The following MITF variants were observed in gnomAD, a reference collection of about 807,000 sequenced individuals.
The protein encoded by MITF is microphthalmia-associated transcription factor.
A neutral mutation model predicts 60.5 loss-of-function variants in MITF; 17 were observed. The ratio of observed to expected loss-of-function variants is 0.28; its 90% confidence interval spans 0.19 to 0.42. The LOEUF is 0.42. Among genes scored for constraint, MITF ranks in the 10% least tolerant of loss-of-function variants. MITF has a pLI of 1.00. For synonymous variants in MITF, 260 were observed against 248.5 expected (o/e 1.05, Z -0.43); for missense variants, 622 against 683.5 (o/e 0.91, Z 1.00).
intron 1 of MITF, among the ~76,000 whole-genome samples, chr3:69,858,029 T>C (rs2063949390): frequency 6.6e-6 from 1 of 152,120 alleles, no homozygotes; most frequent in Non-Finnish European, 1.5e-5. Context: ...AAGGGGAGAA[T>C]TTAGTAGTTT....
chr3:69,797,604 A>G (rs2062852239), intron 1 of MITF, among the ~76,000 whole-genome samples: 2 of 152,188 alleles, frequency 1.3e-5, no homozygotes, highest in African/African-American at 4.8e-5. Flanking sequence ...GAATTCTCAT[A>G]GTTTAATATT....
In MITF at chr3:69,801,277, C is replaced by T. The variant is rs370680600; in HGVS notation, c.104+61576C>T. Among the ~76,000 whole-genome samples the T allele has an allele frequency of 9.2e-5, 14 of 152,010 alleles. No homozygotes were observed. The East Asian group carries it at 2.1e-3, about 23-fold the overall frequency. On this transcript the variant is annotated intron_variant, in intron 1 of 9. Coordinates refer to ENST00000352241, the MANE Select transcript of MITF (RefSeq NM_001354604.2). ...TAAATAATTATAGATTCCCTCTCCT[C>T]CCATTCATTAGATGTAATTTAGTAC...
intron 2 of MITF, among the ~76,000 whole-genome samples, chr3:69,887,777 C>T (rs896137846): frequency 7.2e-5 from 11 of 151,936 alleles, no homozygotes; most frequent in African/African-American, 9.7e-5. Flanking sequence ...GGATTGGAAG[C>T]GGTGGTGGTC....
chr3:69,743,087 A>G (rs1424497405), intron 1 of MITF, among the ~76,000 whole-genome samples: 1 of 152,050 alleles, frequency 6.6e-6, no homozygotes. Context: ...TGCTATTGAT[A>G]TTTTGGGCCA....
intron 1 of MITF, among the ~76,000 whole-genome samples, chr3:69,867,390 A>G (rs531441681): frequency 6.6e-6 from 1 of 152,162 alleles, no homozygotes; most frequent in Non-Finnish European, 1.5e-5. Flanking sequence ...TTTTCAGTAG[A>G]TACATCTTTA....
chr3:69,912,151 G>A (rs1224414083), intron 2 of MITF, among the ~76,000 whole-genome samples: 1 of 152,164 alleles, frequency 6.6e-6, no homozygotes, highest in African/African-American at 2.4e-5. Context: ...GCACATGTAT[G>A]GTCAACAAGT....
At chr3:69,947,347 A>G (rs2066123198) in intron 5 of MITF, among the ~76,000 whole-genome samples, 1 of 152,192 alleles carries the variant, frequency 6.6e-6, no homozygotes, top group Admixed American at 6.5e-5. Flanking sequence ...CAGCTGTATA[A>G]GTTTAGTCTT....
Position 69,838,549 on chromosome 3 carries a change from G to C in MITF, c.105-40585G>C, listed in dbSNP as rs536772390. 6.5e-5 allele frequency: 10 copies of C among 152,704 alleles called. No homozygotes were observed. In the South Asian group the frequency reaches 2.1e-3, roughly 32 times the overall value. The allele number at this position is 152,704 out of a possible 1,614,324, so 9.5% of individuals were successfully genotyped here. A position where few individuals can be genotyped will look rare whatever the true frequency, so the allele number is the denominator to read the frequency against. ...TGGATGGGAGGATTAAACCCTGTGC[G>C]TTTCTGGAGCATTGGTTTGTAACTG... On this transcript the variant is annotated intron_variant, in intron 1 of 9. Coordinates refer to ENST00000352241, the MANE Select transcript of MITF (RefSeq NM_001354604.2).
chr3:69,940,852 T>A (rs1337650976), intron 4 of MITF, among the ~76,000 whole-genome samples: 1 of 152,210 alleles, frequency 6.6e-6, no homozygotes, highest in Admixed American at 6.5e-5. Context: ...GTGGCTCCAG[T>A]CTTTCTTCAG....
chr3:69,891,740 C>T (rs1182278032), intron 2 of MITF, among the ~76,000 whole-genome samples: 2 of 152,198 alleles, frequency 1.3e-5, no homozygotes, highest in Non-Finnish European at 2.9e-5. Flanking sequence ...AAATCTCCAA[C>T]AGTGGTACAG....
intron 1 of MITF, among the ~76,000 whole-genome samples, chr3:69,845,442 C>CT (rs751773040): frequency 0.033 from 4,462 of 136,770 alleles, 169 homozygotes; most frequent in African/African-American, 0.093. Context: ...TTTTTTCTTT[C>CT]TTTTTTTTTT....
chr3:69,821,539 T>C (rs1182119245), intron 1 of MITF, among the ~76,000 whole-genome samples: 1 of 152,072 alleles, frequency 6.6e-6, no homozygotes, highest in Non-Finnish European at 1.5e-5. Flanking sequence ...ACTTGCTCAC[T>C]TTGCATTTTA....
At position 69,959,336 on chromosome 3, in the gene MITF, A is replaced by G. The variant is rs2107537350; in HGVS notation, c.1095A>G (p.Gln365=). ...CCGTGGACTATATCCGAAAGTTGCA[A>G]CGAGAACAGCAACGCGCAAAAGAAC... ...KASVDYIRKL[Q]REQQRAKELE... The change falls in exon 9 of 10, where the codon CAA becomes CAG. Residue 365 remains glutamine, a synonymous_variant. Transcript: ENST00000352241. 2 of 1,614,112 alleles carry G rather than the reference A, an allele frequency of 1.2e-6. No individual in the cohort carries two copies. The highest frequency in any genetic ancestry group is 1.3e-5 in the African/African-American group (1 of 75,058).
At chr3:69,964,522 A>G (rs1292254683) in intron 9 of MITF, among the ~76,000 whole-genome samples, 1 of 134,028 alleles carries the variant, frequency 7.5e-6, no homozygotes, top group Admixed American at 7.6e-5. Context: ...ATTTTTCAGG[A>G]CAGTTTTTGG....
In MITF at chr3:69,816,290, C is replaced by T. The variant is rs189309064; in HGVS notation, c.105-62844C>T. 1.1e-3 allele frequency among the ~76,000 whole-genome samples: 169 copies of T among 152,226 alleles called. 1 individual carries two copies. Among genetic ancestry groups the T allele is most frequent in the African/African-American group, 3.6e-3 (149 of 41,532 alleles). On this transcript the variant is annotated intron_variant, in intron 1 of 9. Transcript: ENST00000352241. ...CATCTCATTCTCCCCAAATGTAAAC[C>T]GTTTCTTTCCATGTCATTGAGACTC...
chr3:69,848,452 T>A (rs1433677803), intron 1 of MITF, among the ~76,000 whole-genome samples: 1 of 152,192 alleles, frequency 6.6e-6, no homozygotes, highest in African/African-American at 2.4e-5. Context: ...CACAATATTC[T>A]CCACACATTT....
intron 9 of MITF, among the ~76,000 whole-genome samples, chr3:69,963,481 A>G (rs201026195): frequency 6.6e-6 from 1 of 152,216 alleles, no homozygotes; most frequent in East Asian, 1.9e-4. Flanking sequence ...CTTATTAAGT[A>G]TTTAGGTTCT....
At chr3:69,890,936 A>T (rs966224655) in intron 2 of MITF, among the ~76,000 whole-genome samples, 2 of 152,200 alleles carry the variant, frequency 1.3e-5, no homozygotes, top group African/African-American at 4.8e-5. Context: ...AAAAGCAAGA[A>T]AGCCAAGGGA....
chr3:69,843,575 A>G (rs1208837168), intron 1 of MITF, among the ~76,000 whole-genome samples: 1 of 152,132 alleles, frequency 6.6e-6, no homozygotes, highest in African/African-American at 2.4e-5. Context: ...TGTCCTTTTT[A>G]TGAAGACTCT....
Sources: allele counts gnomAD v4.1 joint callset (sites outside exome capture counted in the v4.1 genomes callset), GRCh38; gene constraint gnomAD v4.1.1; transcripts MANE v1.5; gene names NCBI Gene and HGNC (gene_info 2026-07-23, HGNC 2026-07-21).